The following ITFG1 variants were observed in gnomAD, a reference collection of about 807,000 sequenced individuals.
ITFG1 encodes the protein integrin alpha FG-GAP repeat containing 1, also known as T-cell immunomodulatory protein.
In ITFG1, 34 loss-of-function variants were observed where a neutral mutation model predicts 81.8. The observed-to-expected ratio is 0.42, with a 90% CI of 0.32 to 0.55. The LOEUF (loss-of-function observed/expected upper bound fraction) is 0.55. ITFG1 is among the 20% of genes least tolerant of loss of function. ITFG1 has a pLI of 0.17. For missense variants in ITFG1, 672 were observed against 755.4 expected (o/e 0.89, Z 1.29); for synonymous variants, 285 against 270.6 (o/e 1.05, Z -0.52).
chr16:47,336,543 A>G (rs1967706148), intron 8 of ITFG1, among the ~76,000 whole-genome samples: 1 of 152,218 alleles, frequency 6.6e-6, no homozygotes, highest in African/African-American at 2.4e-5. Flanking sequence ...ACTTGAAACT[A>G]AGGACAGAAA....
intron 6 of ITFG1, among the ~76,000 whole-genome samples, chr16:47,418,156 T>C (rs1433897443): frequency 1.3e-5 from 2 of 152,350 alleles, no homozygotes; most frequent in South Asian, 2.1e-4. Flanking sequence ...CATAAACCTA[T>C]TGGCCATTTG....
rs1967794593 is a variant in ITFG1 at position 47,342,317 on chromosome 16, C to CA, written c.802+23470dup. ...CATAAAAGGCACATGACAAATTCAA[C>CA]ACACTTTCATAATATCTCTCAGAAA... On this transcript the variant is annotated intron_variant, in intron 8 of 17. Transcript: ENST00000320640. Among the ~76,000 whole-genome samples, 6 of 152,122 alleles carry CA rather than the reference C, an allele frequency of 3.9e-5. No homozygotes were observed. The South Asian group carries it at 1.2e-3, about 31-fold the overall frequency.
At chr16:47,311,124 T>C in intron 10 of ITFG1, 116 bp downstream of exon 10, 1 of 639,450 alleles carries the variant, frequency 1.6e-6, no homozygotes, top group Non-Finnish European at 2.5e-6. Flanking sequence ...GCTCACCATG[T>C]TCCTTATTTA....
chr16:47,457,589 G>C (rs1279775445), intron 2 of ITFG1, among the ~76,000 whole-genome samples: 1 of 152,126 alleles, frequency 6.6e-6, no homozygotes, highest in African/African-American at 2.4e-5. Flanking sequence ...GGTTGCATCT[G>C]AGAGAGAAAC....
chr16:47,420,454 T>G (rs1355464468), intron 6 of ITFG1, among the ~76,000 whole-genome samples: 1 of 152,296 alleles, frequency 6.6e-6, no homozygotes, highest in Non-Finnish European at 1.5e-5. Flanking sequence ...GAACTATTAA[T>G]GTACTGGATG....
intron 13 of ITFG1, among the ~76,000 whole-genome samples, chr16:47,235,735 C>A (rs1222881098): frequency 6.6e-6 from 1 of 152,170 alleles, no homozygotes; most frequent in Non-Finnish European, 1.5e-5. Context: ...CAGTTTCACA[C>A]TGGGTCACAT....
chr16:47,186,623 A>G (rs1965221520), intron 14 of ITFG1, among the ~76,000 whole-genome samples: 2 of 152,204 alleles, frequency 1.3e-5, no homozygotes, highest in Admixed American at 1.3e-4. Flanking sequence ...AAATAATAAG[A>G]GCTATCTATG....
intron 14 of ITFG1, 104 bp downstream of exon 14, chr16:47,218,764 T>A (rs989645263): frequency 4.1e-5 from 21 of 514,120 alleles, no homozygotes; most frequent in Non-Finnish European, 7.0e-5. Flanking sequence ...AAAGTGAAGA[T>A]GTTATTAAGG....
intron 5 of ITFG1, chr16:47,448,364 T>C (rs1336676953): frequency 6.6e-6 from 1 of 152,190 alleles, no homozygotes; most frequent in Non-Finnish European, 1.5e-5. Flanking sequence ...AGTAGCTGAC[T>C]ACATTTAAAT....
intron 6 of ITFG1, among the ~76,000 whole-genome samples, chr16:47,410,953 T>C (rs943980594): frequency 1.3e-5 from 2 of 151,986 alleles, no homozygotes; most frequent in African/African-American, 4.8e-5. Context: ...TGCCACCCCA[T>C]CCGCCAGCCT....
intron 14 of ITFG1, among the ~76,000 whole-genome samples, chr16:47,170,125 G>A (rs1964939191): frequency 6.6e-6 from 1 of 152,058 alleles, no homozygotes; most frequent in African/African-American, 2.4e-5. Context: ...TATTCATATG[G>A]GATACTGGTC....
At chr16:47,209,373 A>G (rs892382548) in intron 14 of ITFG1, among the ~76,000 whole-genome samples, 2 of 152,164 alleles carry the variant, frequency 1.3e-5, no homozygotes, top group Admixed American at 6.5e-5. Context: ...GAAGCATAAC[A>G]TACTGTTACT....
At chr16:47,327,254 G>A (rs1309771908) in intron 8 of ITFG1, among the ~76,000 whole-genome samples, 1 of 152,148 alleles carries the variant, frequency 6.6e-6, no homozygotes, top group Non-Finnish European at 1.5e-5. Flanking sequence ...AATGGTGCTG[G>A]GAAAACTGGC....
chr16:47,342,256 G>A (rs755284837), intron 8 of ITFG1, among the ~76,000 whole-genome samples: 1 of 152,056 alleles, frequency 6.6e-6, no homozygotes, highest in Non-Finnish European at 1.5e-5. Context: ...GTAATGGAAC[G>A]AAGGAAAAAG....
At chr16:47,266,430 C>G (rs989694018) in intron 10 of ITFG1, among the ~76,000 whole-genome samples, 3 of 152,174 alleles carry the variant, frequency 2.0e-5, no homozygotes, top group African/African-American at 7.2e-5. Flanking sequence ...GTTGGCCCGG[C>G]TGGTCTTGAA....
chr16:47,420,523 C>G (rs1018452700), intron 6 of ITFG1, among the ~76,000 whole-genome samples: 66 of 152,024 alleles, frequency 4.3e-4, no homozygotes, highest in Non-Finnish European at 1.0e-4. Flanking sequence ...GGAGGTGGGC[C>G]TAAGAGGAAG....
At chr16:47,299,367 G>A (rs917680583) in intron 10 of ITFG1, 1 of 152,702 alleles carries the variant, frequency 6.5e-6, no homozygotes. Context: ...GGGTTTCCCA[G>A]GCAATGGGTT....
At chr16:47,385,998 C>T (rs1437982131) in intron 6 of ITFG1, among the ~76,000 whole-genome samples, 2 of 152,012 alleles carry the variant, frequency 1.3e-5, no homozygotes, top group Admixed American at 1.3e-4. Flanking sequence ...AAGCCACAGC[C>T]AAAACAGTGG....
chr16:47,427,989 C>T (rs1465799283), intron 6 of ITFG1, among the ~76,000 whole-genome samples: 3 of 152,138 alleles, frequency 2.0e-5, no homozygotes, highest in East Asian at 3.9e-4. Flanking sequence ...CAAGAATTAG[C>T]CAGGCATAAT....
Sources: gnomAD v4.1 joint callset for allele counts (sites outside exome capture counted in the v4.1 genomes callset) on GRCh38, gnomAD v4.1.1 for gene constraint, MANE v1.5 for transcripts, NCBI Gene and HGNC (gene_info 2026-07-23, HGNC 2026-07-21) for gene names.